The following TMED3 variants were observed in gnomAD, a reference collection of about 807,000 sequenced individuals.
The protein encoded by TMED3 is transmembrane p24 trafficking protein 3, also known as transmembrane emp24 domain-containing protein 3.
In TMED3, 9 loss-of-function variants were observed where a neutral mutation model predicts 15.0. The ratio of observed to expected loss-of-function variants is 0.60; its 90% CI spans 0.36 to 1.04. The LOEUF is 1.04. TMED3 is among the 50% of genes least tolerant of loss of function. The pLI is 0.01. For synonymous variants in TMED3, 117 were observed against 121.4 expected (o/e 0.96, Z 0.24); for missense variants, 267 against 278.9 (o/e 0.96, Z 0.30).
rs1033218444 is a variant in TMED3 at position 79,311,192 on chromosome 15, C to T, written c.-58C>T. ...AGGACCCGGTCGGTAGTCGTCGCCC[C>T]AGCCCGCCGGGGGCGCAGCGCCCGA... On this transcript the variant is annotated 5_prime_UTR_variant, in exon 1 of 3. Transcript: ENST00000299705. The T allele has an allele frequency of 4.6e-6, 7 of 1,527,664 alleles. No individual in the cohort carries two copies. Among genetic ancestry groups the T allele is most frequent in the Non-Finnish European group, 6.1e-6 (7 of 1,143,956 alleles). 94.6% of individuals were successfully genotyped at this position (1,527,664 alleles called of 1,614,324 possible).
chr15:79,340,390 T>C (rs867633977), intron 2 of TMED3, among the ~76,000 whole-genome samples: 67 of 152,248 alleles, frequency 4.4e-4, no homozygotes, highest in African/African-American at 1.6e-3. Context: ...TTGAAAACCA[T>C]CTAGTTCAAC....
At position 79,311,206 on chromosome 15, in the gene TMED3, C is replaced by T. The variant is rs1021137947; in HGVS notation, c.-44C>T. 1.3e-6 allele frequency: 2 copies of T among 1,548,506 alleles called. No individual in the cohort carries two copies. The highest frequency in any genetic ancestry group is 1.7e-6 in the Non-Finnish European group (2 of 1,154,010). On this transcript the variant is annotated 5_prime_UTR_variant, in exon 1 of 3. Coordinates refer to ENST00000299705, the MANE Select transcript of TMED3 (RefSeq NM_007364.4). ...AGTCGTCGCCCCAGCCCGCCGGGGG[C>T]GCAGCGCCCGAGCCGCGGCCCTCGA...
intron 2 of TMED3, among the ~76,000 whole-genome samples, chr15:79,352,862 A>G (rs2058896944): frequency 8.9e-6 from 1 of 112,588 alleles, no homozygotes; most frequent in Non-Finnish European, 1.8e-5. Context: ...TACATATAAA[A>G]TATACATATA....
intron 2 of TMED3, among the ~76,000 whole-genome samples, chr15:79,385,834 A>T (rs1893620328): frequency 6.6e-6 from 1 of 152,222 alleles, no homozygotes; most frequent in Non-Finnish European, 1.5e-5. Context: ...CACTGGCTTC[A>T]TGGAGTGTGC....
At chr15:79,365,136 G>A (rs936745360) in intron 2 of TMED3, among the ~76,000 whole-genome samples, 2 of 152,250 alleles carry the variant, frequency 1.3e-5, no homozygotes, top group Admixed American at 6.5e-5. Context: ...AATGTCCTGA[G>A]AGGGGGATCA....
downstream of TMED3, among the ~76,000 whole-genome samples, chr15:79,327,013 G>A (rs1350346286): frequency 1.3e-5 from 2 of 152,096 alleles, no homozygotes; most frequent in African/African-American, 2.4e-5. Context: ...AAGAGAGAGC[G>A]GTGAGGTGCC....
chr15:79,337,726 A>C (rs2058832298), intron 2 of TMED3, among the ~76,000 whole-genome samples: 1 of 152,256 alleles, frequency 6.6e-6, no homozygotes, highest in African/African-American at 2.4e-5. Context: ...GGTAGTGATC[A>C]AATCCTGACT....
At chr15:79,336,198 T>C (rs1381335837) in intron 2 of TMED3, among the ~76,000 whole-genome samples, 1 of 152,204 alleles carries the variant, frequency 6.6e-6, no homozygotes, top group Non-Finnish European at 1.5e-5. Flanking sequence ...TCCTTTCTTA[T>C]TCTGGTGCCA....
intron 2 of TMED3, among the ~76,000 whole-genome samples, chr15:79,377,644 C>CTTTTTTT (rs71150905): frequency 1.5e-4 from 18 of 123,606 alleles, no homozygotes; most frequent in African/African-American, 4.3e-4. Flanking sequence ...ACAAACCGTT[C>CTTTTTTT]TTTTTTTTTT....
At chr15:79,362,041 C>A (rs1289064130) in intron 2 of TMED3, among the ~76,000 whole-genome samples, 1 of 152,068 alleles carries the variant, frequency 6.6e-6, no homozygotes, top group Non-Finnish European at 1.5e-5. Flanking sequence ...ACTTGAAAGA[C>A]ATTTTAGTTC....
chr15:79,322,008 G>A lies in TMED3; in HGVS notation c.448G>A (p.Ala150Thr), dbSNP rs975090902. The A allele has an allele frequency of 1.2e-6, 2 of 1,614,204 alleles. No homozygotes were observed. Among genetic ancestry groups the A allele is most frequent in the Non-Finnish European group, 1.7e-6 (2 of 1,180,044 alleles). The change falls in exon 3 of 3, where the codon GCT becomes ACT. Residue 150 changes from alanine to threonine, a missense_variant. By Grantham distance (58) the Ala-to-Thr change is moderately conservative (BLOSUM62 0). Coordinates refer to ENST00000299705, the MANE Select transcript of TMED3 (RefSeq NM_007364.4). ...GTCCGCCTGCGTGACCATCCATGAGGCTCTGAAAACGGTGATTGACTCCCA... is the reference window on the plus strand; with the variant it reads ...GTCCGCCTGCGTGACCATCCATGAGACTCTGAAAACGGTGATTGACTCCCA... ...MESACVTIHE[A>T]LKTVIDSQTH...
chr15:79,383,173 T>C, intron 2 of TMED3: 1 of 703,006 alleles, frequency 1.4e-6, no homozygotes, highest in Non-Finnish European at 2.4e-6. Flanking sequence ...CTGCACCAGT[T>C]ATTGCTTACG....
At chr15:79,315,556 T>C (rs1303840498) in intron 2 of TMED3, among the ~76,000 whole-genome samples, 2 of 152,174 alleles carry the variant, frequency 1.3e-5, no homozygotes, top group Non-Finnish European at 1.5e-5. Context: ...CCTTAACCAG[T>C]AGAAAACAAA....
downstream of TMED3, among the ~76,000 whole-genome samples, chr15:79,325,387 G>A (rs1389198157): frequency 4.6e-5 from 7 of 152,132 alleles, no homozygotes; most frequent in African/African-American, 7.2e-5. Context: ...TTTAATCCTC[G>A]AGGCCTAGAC....
chr15:79,387,594 GCACACACA>G (rs60358297), intron 2 of TMED3, among the ~76,000 whole-genome samples: 10 of 149,302 alleles, frequency 6.7e-5, no homozygotes, highest in Non-Finnish European at 1.3e-4. Flanking sequence ...ACATGCACCT[GCACACACA>G]CACACACACA....
intron 2 of TMED3, among the ~76,000 whole-genome samples, chr15:79,377,784 C>T (rs923360748): frequency 4.6e-5 from 7 of 151,822 alleles, no homozygotes; most frequent in Non-Finnish European, 8.8e-5. Flanking sequence ...GTAGCTGGGA[C>T]TACAGGCGCC....
At chr15:79,408,582 G>A (rs977658570) in intron 2 of TMED3, among the ~76,000 whole-genome samples, 3 of 152,204 alleles carry the variant, frequency 2.0e-5, no homozygotes, top group African/African-American at 7.2e-5. Flanking sequence ...AAAGAATTGA[G>A]CCACGGAGAC....
intron 2 of TMED3, among the ~76,000 whole-genome samples, chr15:79,380,402 AAATATATATATAGT>A (rs2046962036): frequency 6.9e-6 from 1 of 145,512 alleles, no homozygotes; most frequent in African/African-American, 2.6e-5. Flanking sequence ...AGAGAGTCTC[AAATATATATATAGT>A]TATATATAGT....
chr15:79,344,914 C>T (rs1034393695), intron 2 of TMED3, among the ~76,000 whole-genome samples: 3 of 151,968 alleles, frequency 2.0e-5, no homozygotes, highest in African/African-American at 7.3e-5. Context: ...GAGCAGTAGC[C>T]GGAAGGAGAT....
Sources: allele counts gnomAD v4.1 joint callset (sites outside exome capture counted in the v4.1 genomes callset), GRCh38; gene constraint gnomAD v4.1.1; transcripts MANE v1.5; gene names NCBI Gene and HGNC (gene_info 2026-07-23, HGNC 2026-07-21).